The following PRMT8 variants were observed in gnomAD, a reference collection of about 807,000 sequenced individuals.
The protein encoded by PRMT8 is protein arginine N-methyltransferase 8.
PRMT8 carries 7 observed loss-of-function variants against 47.1 expected under a neutral mutation model. That is an observed-to-expected ratio of 0.15 (90% CI 0.08 to 0.28). The LOEUF is 0.28. Among genes scored for constraint, PRMT8 ranks in the 10% least tolerant of loss-of-function variants. PRMT8 has a pLI of 1.00. For missense variants in PRMT8, 237 were observed against 505.4 expected (o/e 0.47, Z 5.09); for synonymous variants, 188 against 186.5 (o/e 1.01, Z -0.07).
chr12:3,488,398 G>A (rs60081334), upstream of PRMT8, among the ~76,000 whole-genome samples: 605 of 152,220 alleles, frequency 4.0e-3, 3 homozygotes, highest in African/African-American at 0.013. Context: ...AATAAAATGC[G>A]TCTTCAGAAC....
intron 1 of PRMT8, among the ~76,000 whole-genome samples, chr12:3,470,698 G>A (rs1865152657): frequency 6.6e-6 from 1 of 151,894 alleles, no homozygotes; most frequent in African/African-American, 2.4e-5. Context: ...CAGGGCGGGG[G>A]GATGGGAGGG....
At chr12:3,541,506 C>A (rs1179265214) in intron 2 of PRMT8, among the ~76,000 whole-genome samples, 1 of 152,200 alleles carries the variant, frequency 6.6e-6, no homozygotes, top group Non-Finnish European at 1.5e-5. Flanking sequence ...AAGTGACAGG[C>A]ACAGTTCTAA....
chr12:3,398,672 G>A (rs554878208), intron 1 of PRMT8, among the ~76,000 whole-genome samples: 19 of 152,228 alleles, frequency 1.2e-4, no homozygotes, highest in African/African-American at 3.4e-4. Context: ...TAAGCTTCCC[G>A]GGCTCACTTC....
intron 1 of PRMT8, among the ~76,000 whole-genome samples, chr12:3,392,482 A>T (rs1591536506): frequency 1.3e-5 from 2 of 150,332 alleles, no homozygotes; most frequent in African/African-American, 4.9e-5. Context: ...TGTTCTTGTG[A>T]TAGTTTACTG....
chr12:3,513,184 A>G (rs1865738705), intron 1 of PRMT8, among the ~76,000 whole-genome samples: 1 of 152,182 alleles, frequency 6.6e-6, no homozygotes, highest in Non-Finnish European at 1.5e-5. Context: ...ATCTGTAAGG[A>G]GGTATCTTGC....
At chr12:3,462,341 G>A (rs767724428) in intron 1 of PRMT8, among the ~76,000 whole-genome samples, 2 of 151,992 alleles carry the variant, frequency 1.3e-5, no homozygotes, top group African/African-American at 2.4e-5. Flanking sequence ...TATATGTACA[G>A]CACAAGAAGG....
Position 3,583,419 on chromosome 12 carries a change from A to G in PRMT8, c.979+211A>G, listed in dbSNP as rs1867110305. The stretch of plus-strand genomic sequence containing the variant: ...TAAATAATGTTGTGGTTGTTACAGC[A>G]CAAGTTGAGAGTGTGTTGGATGAGG... On this transcript the variant is annotated intron_variant, in intron 8 of 9. Transcript: ENST00000382622. This position sits in a 1 kb window ranked among gnomAD's most constrained non-coding sequence, Gnocchi z 4.7. Among the ~76,000 whole-genome samples, 1 of 152,200 alleles carries G rather than the reference A, an allele frequency of 6.6e-6. No individual in the cohort carries two copies. Among genetic ancestry groups the G allele is most frequent in the African/African-American group, 2.4e-5 (1 of 41,446 alleles).
chr12:3,393,599 C>T (rs1864217701), intron 1 of PRMT8, among the ~76,000 whole-genome samples: 1 of 152,046 alleles, frequency 6.6e-6, no homozygotes, highest in South Asian at 2.1e-4. Context: ...CAGTACCATG[C>T]TGTTGTGGTT....
At chr12:3,486,265 T>G (rs2137105217), upstream of PRMT8, among the ~76,000 whole-genome samples, 1 of 152,266 alleles carries the variant, frequency 6.6e-6, no homozygotes, top group South Asian at 2.1e-4. Flanking sequence ...CCTACCTGAC[T>G]GTAAGCCATT....
chr12:3,544,785 G>A (rs545772385), intron 2 of PRMT8, among the ~76,000 whole-genome samples: 4 of 152,262 alleles, frequency 2.6e-5, no homozygotes, highest in South Asian at 4.1e-4. Flanking sequence ...TTTGCCTTGC[G>A]GTCAAGTGGT....
intron 7 of PRMT8, among the ~76,000 whole-genome samples, chr12:3,577,864 C>A (rs1402750722): frequency 2.6e-5 from 4 of 152,040 alleles, no homozygotes; most frequent in Non-Finnish European, 4.4e-5. Context: ...CACACCAATC[C>A]CTAGTATATT....
chr12:3,408,234 T>C (rs952952135), intron 1 of PRMT8, among the ~76,000 whole-genome samples: 2 of 151,074 alleles, frequency 1.3e-5, no homozygotes, highest in Non-Finnish European at 2.9e-5. Flanking sequence ...CTCTCTTTTC[T>C]TTTCTTTTTT....
Position 3,583,060 on chromosome 12 carries a change from G to A in PRMT8, c.831G>A (p.Glu277=), listed in dbSNP as rs1337996388. 3.7e-6 allele frequency: 6 copies of A among 1,612,878 alleles called. No individual in the cohort carries two copies. The Admixed American group carries it at 6.7e-5, about 18-fold the overall frequency. ...ATTCTCTCTTCTCTGGGCTGCAGGA[G>A]GTGGACATTTACACAGTGAAGACGG... is the stretch of plus-strand genomic sequence containing the variant. ...QVVTNACLIK[E]VDIYTVKTEE... is the part of the protein sequence containing the mutation. Residue 277 remains glutamate, a splice_region_variant and synonymous_variant, in exon 8 of 10, where the codon GAG becomes GAA. Coordinates refer to ENST00000382622, the MANE Select transcript of PRMT8 (RefSeq NM_019854.5). The surrounding 1 kb of genome is among the most constrained non-coding windows in gnomAD (Gnocchi z 4.7).
intron 1 of PRMT8, among the ~76,000 whole-genome samples, chr12:3,432,767 C>T (rs567155651): frequency 2.0e-5 from 3 of 152,064 alleles, no homozygotes; most frequent in African/African-American, 4.8e-5. Context: ...TTGTGGTCTT[C>T]GTTTTGTTGG....
chr12:3,490,974 C>G (rs912672497), upstream of PRMT8, among the ~76,000 whole-genome samples: 5 of 152,106 alleles, frequency 3.3e-5, no homozygotes, highest in African/African-American at 1.2e-4. Flanking sequence ...GAGCCTCGCC[C>G]GGCGCCGGCT....
intron 4 of PRMT8, among the ~76,000 whole-genome samples, chr12:3,560,239 C>G (rs1197025051): frequency 6.6e-6 from 1 of 152,202 alleles, no homozygotes; most frequent in East Asian, 1.9e-4. Flanking sequence ...AATGCTGCAA[C>G]AGCCAGCCAT....
intron 5 of PRMT8, 99 bp downstream of exon 5, chr12:3,568,947 G>A: frequency 2.7e-6 from 4 of 1,506,244 alleles, no homozygotes; most frequent in Non-Finnish European, 3.6e-6. Context: ...CTTCAGAGAA[G>A]ACTGAGGCCA....
intron 1 of PRMT8, among the ~76,000 whole-genome samples, chr12:3,532,021 G>C (rs1161100978): frequency 6.6e-6 from 1 of 152,146 alleles, no homozygotes; most frequent in Non-Finnish European, 1.5e-5. Flanking sequence ...AACATGCCCA[G>C]TGTTGGGTCT....
rs1865451808 is a variant in PRMT8 at position 3,493,246 on chromosome 12, A to T, written c.75+1546A>T. 6.6e-6 allele frequency among the ~76,000 whole-genome samples: 1 copy of T among 152,054 alleles called. No homozygotes were observed. The highest frequency in any genetic ancestry group is 2.4e-5 in the African/African-American group (1 of 41,396). On this transcript the variant is annotated intron_variant, in intron 1 of 9. Transcript: ENST00000382622. The surrounding 1 kb of genome is among the most constrained non-coding windows in gnomAD (Gnocchi z 8.2). Reference sequence around the variant, plus strand: ...CCCCAGCCCCCACCTGAGAGCAGACATTCGGAATGATGTGTAGTGCGAGGC... The same window carrying T: ...CCCCAGCCCCCACCTGAGAGCAGACTTTCGGAATGATGTGTAGTGCGAGGC...
Sources: gnomAD v4.1 joint callset for allele counts (sites outside exome capture counted in the v4.1 genomes callset) on GRCh38, gnomAD v4.1.1 for gene constraint, Gnocchi (gnomAD v3.1) non-coding constraint, MANE v1.5 for transcripts, NCBI Gene and HGNC (gene_info 2026-07-23, HGNC 2026-07-21) for gene names.